Variants in SUCO observed in about 807,000 individuals in gnomAD.
SUCO encodes SUN domain containing ossification factor.
A neutral mutation model predicts 148.1 loss-of-function variants in SUCO; 57 were observed. The observed-to-expected ratio is 0.38, with a 90% CI of 0.31 to 0.48. SUCO has a LOEUF of 0.48. Ranked by LOEUF, SUCO falls within the 20% of genes least tolerant of loss-of-function variation. The probability of loss-of-function intolerance (pLI) is 0.96; values close to 1 mark genes in which losing one functional copy is unlikely to be tolerated. For missense variants in SUCO, 1,331 were observed against 1,468.2 expected, an observed-to-expected ratio of 0.91 and a Z score of 1.53; for synonymous variants, 470 against 502.7, an observed-to-expected ratio of 0.93 and a Z score of 0.87.
rs149620852 is a variant in SUCO at position 172,595,674 on chromosome 1, G to C, written c.2914-4390G>C. 4.8e-3 allele frequency among the ~76,000 whole-genome samples: 734 copies of C among 152,280 alleles called. 3 individuals carry two copies. The highest frequency in any genetic ancestry group is 0.017 in the African/African-American group (704 of 41,550). On this transcript the variant is annotated intron_variant, in intron 19 of 23. Coordinates refer to ENST00000263688, the MANE Select transcript of SUCO (RefSeq NM_014283.5). ...GTTAGTCTGATGGGCTTCCCTTTGTGGGTAACCCGACCTTTCTCTCTGGCT... is the reference window on the plus strand; with the variant it reads ...GTTAGTCTGATGGGCTTCCCTTTGTCGGTAACCCGACCTTTCTCTCTGGCT...
intron 1 of SUCO, among the ~76,000 whole-genome samples, chr1:172,534,591 G>T (rs965597831): frequency 2.0e-5 from 3 of 152,146 alleles, no homozygotes; most frequent in African/African-American, 7.2e-5. Flanking sequence ...AAGAATGATA[G>T]AAGTTTTTGA....
intron 1 of SUCO, among the ~76,000 whole-genome samples, 162 bp from the exon 2 acceptor site, chr1:172,551,350 T>G (rs1186477719): frequency 6.6e-6 from 1 of 152,114 alleles, no homozygotes; most frequent in African/African-American, 2.4e-5. Flanking sequence ...TTATACGTAT[T>G]GATTTTCGTC....
At chr1:172,571,666 C>T (rs1655004281) in intron 9 of SUCO, among the ~76,000 whole-genome samples, 1 of 124,238 alleles carries the variant, frequency 8.0e-6, no homozygotes, top group South Asian at 3.1e-4. Context: ...GCTTCTCTGC[C>T]CGGCCGCCCA....
chr1:172,561,895 T>G (rs1336546724), intron 6 of SUCO, among the ~76,000 whole-genome samples: 6 of 152,138 alleles, frequency 3.9e-5, no homozygotes, highest in Admixed American at 1.3e-4. Flanking sequence ...CAGCACCTTC[T>G]GACAACAAGG....
intron 3 of SUCO, among the ~76,000 whole-genome samples, chr1:172,554,269 G>A (rs753155923): frequency 2.0e-5 from 3 of 152,136 alleles, no homozygotes; most frequent in African/African-American, 4.8e-5. Flanking sequence ...ACAATTGTAT[G>A]ACTATCCTGA....
chr1:172,570,764 A>C, intron 9 of SUCO, 34 bp downstream of exon 9: 1 of 1,238,904 alleles, frequency 8.1e-7, no homozygotes, highest in Non-Finnish European at 1.2e-6. Flanking sequence ...AGTACATTCT[A>C]CATATATATG....
chr1:172,605,143 T>G (rs548598875), intron 22 of SUCO, among the ~76,000 whole-genome samples: 14 of 152,002 alleles, frequency 9.2e-5, no homozygotes, highest in African/African-American at 2.9e-4. Flanking sequence ...TTTTCACTGT[T>G]TTGATTGTGT....
upstream of SUCO, chr1:172,532,864 A>G (rs1206285325): frequency 6.6e-5 from 100 of 1,520,604 alleles, no homozygotes; most frequent in Non-Finnish European, 8.7e-5. Flanking sequence ...AACGCAAGCC[A>G]GCAAGTGGGC....
intron 1 of SUCO, among the ~76,000 whole-genome samples, chr1:172,540,071 C>T (rs1313787148): frequency 1.3e-5 from 2 of 152,078 alleles, no homozygotes. Context: ...TTATTTTATT[C>T]TCTGTATAGA....
rs11372208 is a variant in SUCO at position 172,609,217 on chromosome 1, AT to A, written c.3321+426del. 9.5e-3 allele frequency: 7,439 copies of A among 784,378 alleles called. 2 individuals carry two copies. Among genetic ancestry groups the A allele is most frequent in the Middle Eastern group, 0.011 (18 of 1,604 alleles). The allele number at this position is 784,378 out of a possible 1,614,324, so 48.6% of individuals were successfully genotyped here. A position where few individuals can be genotyped will look rare whatever the true frequency, so the allele number is the denominator to read the frequency against. ...ACAACCTGAAGATGATGTTATCCTC[AT>A]TTTTTTTTTTAATAAAAAAACAGCA... On this transcript the variant is annotated intron_variant, in intron 23 of 23. Coordinates refer to ENST00000263688, the MANE Select transcript of SUCO (RefSeq NM_014283.5).
intron 18 of SUCO, 112 bp from the exon 19 acceptor site, chr1:172,590,872 C>A (rs1656601766): frequency 1.4e-6 from 1 of 711,688 alleles, no homozygotes; most frequent in South Asian, 1.9e-5. Flanking sequence ...GAATAAGAGT[C>A]ACTTTCAGAA....
intron 11 of SUCO, chr1:172,577,170 T>G (rs1655507995): frequency 4.2e-6 from 1 of 236,980 alleles, no homozygotes; most frequent in Admixed American, 6.5e-5. Context: ...GATATATACT[T>G]GATACATGTC....
At chr1:172,566,166 T>G (rs1001110244) in intron 6 of SUCO, among the ~76,000 whole-genome samples, 1 of 152,250 alleles carries the variant, frequency 6.6e-6, no homozygotes, top group Non-Finnish European at 1.5e-5. Context: ...AAATGATGAC[T>G]CTCAAAAGAG....
At chr1:172,566,779 T>G (rs1478572010) in intron 6 of SUCO, among the ~76,000 whole-genome samples, 1 of 152,210 alleles carries the variant, frequency 6.6e-6, no homozygotes, top group Non-Finnish European at 1.5e-5. Flanking sequence ...GGTGTTGCCA[T>G]GGCAGTGCTA....
In SUCO at chr1:172,574,090, C is replaced by T. The variant is rs572340479; in HGVS notation, c.1157+92C>T. On this transcript the variant is annotated intron_variant, in intron 10 of 23. Coordinates refer to ENST00000263688, the MANE Select transcript of SUCO (RefSeq NM_014283.5). ...AAAAAAGTGGGTCACATTTTGACTT[C>T]AGTCCATTTATTTTTTAAAGGTCAG... 9.9e-5 allele frequency: 69 copies of T among 698,836 alleles called. 2 individuals carry two copies. In the South Asian group the frequency reaches 1.1e-3, roughly 11 times the overall value. 43.3% of individuals were successfully genotyped at this position (698,836 alleles called of 1,614,324 possible).
Position 172,533,384 on chromosome 1 carries a change from C to A in SUCO, c.-52C>A, listed in dbSNP as rs1427887287. 1.9e-6 allele frequency: 3 copies of A among 1,551,780 alleles called. No homozygotes were observed. Among genetic ancestry groups the A allele is most frequent in the African/African-American group, 1.4e-5 (1 of 73,078 alleles). ...TCCTCCATCTTGGCCTCGGCAGTGG[C>A]GGCTGCCGGGAGGATGTGCCGCCTT... is the stretch of plus-strand genomic sequence containing the variant. On this transcript the variant is annotated 5_prime_UTR_variant, in exon 1 of 24. Coordinates refer to ENST00000263688, the MANE Select transcript of SUCO (RefSeq NM_014283.5).
intron 17 of SUCO, 141 bp from the exon 18 acceptor site, chr1:172,588,619 G>T: frequency 7.8e-7 from 1 of 1,274,674 alleles, no homozygotes; most frequent in Non-Finnish European, 1.0e-6. Context: ...TGTTTTGTAG[G>T]TGAAACATTT....
intron 1 of SUCO, among the ~76,000 whole-genome samples, chr1:172,535,171 G>C (rs989210103): frequency 3.3e-5 from 5 of 152,082 alleles, no homozygotes; most frequent in African/African-American, 1.2e-4. Flanking sequence ...GGAACAAATC[G>C]GTTGGCCTGG....
chr1:172,566,312 T>TAA (rs1654548515), intron 6 of SUCO, among the ~76,000 whole-genome samples: 1 of 152,242 alleles, frequency 6.6e-6, no homozygotes, highest in African/African-American at 2.4e-5. Context: ...TTCTTGCTGT[T>TAA]TCTCTGACTG....
Sources: allele counts gnomAD v4.1 joint callset (sites outside exome capture counted in the v4.1 genomes callset), GRCh38; gene constraint gnomAD v4.1.1; transcripts MANE v1.5; gene names NCBI Gene and HGNC (gene_info 2026-07-23, HGNC 2026-07-21).